GGT7: variants seen among roughly 807,000 people sequenced by gnomAD.
GGT7 encodes the protein glutathione hydrolase 7.
In GGT7, 30 loss-of-function variants were observed where a neutral mutation model predicts 69.2. The observed-to-expected ratio is 0.43, with a 90% CI of 0.32 to 0.59. The LOEUF (loss-of-function observed/expected upper bound fraction) is 0.59, where lower values mean the gene tolerates loss of function less well. Ranked by LOEUF, GGT7 falls within the 20% of genes least tolerant of loss-of-function variation. GGT7 has a pLI of 0.05. For missense variants in GGT7, 733 were observed against 901.1 expected, an observed-to-expected ratio of 0.81 and a Z score of 2.39; for synonymous variants, 388 against 391.8, an observed-to-expected ratio of 0.99 and a Z score of 0.12.
At chr20:34,868,506 G>A (rs1292748938) in intron 1 of GGT7, among the ~76,000 whole-genome samples, 1 of 152,226 alleles carries the variant, frequency 6.6e-6, no homozygotes, top group East Asian at 1.9e-4. Flanking sequence ...TCTGGAGGCA[G>A]TTGGCCTAGT....
At chr20:34,867,871 C>G (rs185865846) in intron 1 of GGT7, among the ~76,000 whole-genome samples, 72 of 152,284 alleles carry the variant, frequency 4.7e-4, no homozygotes, top group African/African-American at 1.7e-3. Context: ...TTTCTTGGTA[C>G]TTATTGCTTT....
At chr20:34,855,412 G>A (rs145888950) in intron 8 of GGT7, among the ~76,000 whole-genome samples, 1 of 152,330 alleles carries the variant, frequency 6.6e-6, no homozygotes, top group African/African-American at 2.4e-5. Context: ...AATAGCTGAT[G>A]CATAACACTA....
Position 34,863,679 on chromosome 20 carries a change from C to A in GGT7, c.170-131G>T, listed in dbSNP as rs556253761. On this transcript the variant is annotated intron_variant, in intron 1 of 14. Coordinates refer to ENST00000336431, the MANE Select transcript of GGT7 (RefSeq NM_178026.3). This position sits in a 1 kb window ranked among gnomAD's most constrained non-coding sequence, Gnocchi z 4.4. ...TCCCCGCACTGGCTAGCACTACTCACCTTTCCTCATTTTCGCGTGCACCCC... is the reference window on the plus strand; with the variant it reads ...TCCCCGCACTGGCTAGCACTACTCAACTTTCCTCATTTTCGCGTGCACCCC... 1.3e-6 allele frequency: 1 copy of A among 748,438 alleles called. No individual in the cohort carries two copies. The highest frequency in any genetic ancestry group is 1.5e-5 in the South Asian group (1 of 67,384). The allele number at this position is 748,438 out of a possible 1,614,324, so 46.4% of individuals were successfully genotyped here.
intron 7 of GGT7, 99 bp downstream of exon 7, chr20:34,859,344 A>G (rs117175802): frequency 8.8e-4 from 736 of 832,944 alleles, no homozygotes; most frequent in Non-Finnish European, 1.2e-3. Flanking sequence ...TATAGAAAGA[A>G]AGGGAGGGAG....
At chr20:34,865,949 C>T (rs1601245192) in intron 1 of GGT7, among the ~76,000 whole-genome samples, 1 of 152,134 alleles carries the variant, frequency 6.6e-6, no homozygotes, top group Admixed American at 6.5e-5. Context: ...TTTTTAGTAC[C>T]TGCTACTATG....
chr20:34,850,838 C>A (rs772141331), intron 13 of GGT7: 2 of 543,754 alleles, frequency 3.7e-6, no homozygotes, highest in South Asian at 2.8e-5. Context: ...ATTCATGGAG[C>A]CATTCTGAGG....
chr20:34,852,411 C>T lies in GGT7; in HGVS notation c.1447G>A (p.Asp483Asn). 2 of 1,614,092 alleles carry T rather than the reference C, an allele frequency of 1.2e-6. No homozygotes were observed. Among genetic ancestry groups the T allele is most frequent in the Non-Finnish European group, 1.7e-6 (2 of 1,180,018 alleles). Reference protein sequence around the residue: ...AAQVLIMGPDDFIVAMVSSLN... With the variant: ...AAQVLIMGPDNFIVAMVSSLN... ...TACCTAACCATGGCCACAATGAAGT[C>T]ATCAGGTCCCATGATCAGCACCTGG... Residue 483 changes from aspartate (D) to asparagine (N), a missense_variant, in exon 11 of 15, where the codon GAC becomes AAC. By Grantham distance (23) the Asp-to-Asn change is conservative. Coordinates refer to ENST00000336431, the MANE Select transcript of GGT7 (RefSeq NM_178026.3).
intron 14 of GGT7, among the ~76,000 whole-genome samples, chr20:34,846,366 C>T (rs1356245316): frequency 2.1e-5 from 3 of 144,948 alleles, no homozygotes; most frequent in East Asian, 2.1e-4. Flanking sequence ...TGCAATGGCA[C>T]GATTTTGGCT....
Position 34,854,780 on chromosome 20 carries a change from G to C in GGT7, c.1230+16C>G, listed in dbSNP as rs571395829. ...ATATCCTTAAATCCAGGGAAAGGCA[G>C]ACGGGTCAGCCTTACCTCTGCCACC... On this transcript the variant is annotated intron_variant, in intron 9 of 14. Transcript: ENST00000336431. 2 of 1,614,006 alleles carry C rather than the reference G, an allele frequency of 1.2e-6. No homozygotes were observed. Among genetic ancestry groups the C allele is most frequent in the Non-Finnish European group, 1.7e-6 (2 of 1,179,972 alleles).
Position 34,863,008 on chromosome 20 carries a change from C to G in GGT7, c.406-43G>C. 1 of 1,579,542 alleles carries G rather than the reference C, an allele frequency of 6.3e-7. No homozygotes were observed. Among genetic ancestry groups the G allele is most frequent in the South Asian group, 1.1e-5 (1 of 87,038 alleles). On this transcript the variant is annotated intron_variant, in intron 2 of 14. Transcript: ENST00000336431. This position sits in a 1 kb window ranked among gnomAD's most constrained non-coding sequence, Gnocchi z 4.4. ...ACTTGGTGGGGGCAGGAGGAGCTGT[C>G]CACCTCCCTAGGGCACCTCCACTAG...
rs146610020 is a variant in GGT7, at chr20:34,848,466, T to C, written c.1825+1495A>G. Among the ~76,000 whole-genome samples the C allele has an allele frequency of 2.0e-5, 3 of 152,366 alleles. No individual in the cohort carries two copies. The East Asian group carries it at 5.8e-4, about 29-fold the overall frequency. On this transcript the variant is annotated intron_variant, in intron 14 of 14. Coordinates refer to ENST00000336431, the MANE Select transcript of GGT7 (RefSeq NM_178026.3). The stretch of plus-strand genomic sequence containing the variant: ...TACACTAAGGCCCTGAAGGCAGGAC[T>C]GGGCTGAGCCCAAATAACTTAGCAC...
rs1040132412 is a variant in GGT7, at chr20:34,845,142, C to A, written c.*186G>T. ...ACCACCACCACCACCACCACCACCA[C>A]CACCACCACCACAGGCCTCCTGATG... On this transcript the variant is annotated 3_prime_UTR_variant, in exon 15 of 15. Coordinates refer to ENST00000336431, the MANE Select transcript of GGT7 (RefSeq NM_178026.3). The A allele has an allele frequency of 9.8e-6, 5 of 510,224 alleles. No individual in the cohort carries two copies. The highest frequency in any genetic ancestry group is 3.4e-5 in the Admixed American group (1 of 29,764). The allele number at this position is 510,224 out of a possible 1,614,324, so 31.6% of individuals were successfully genotyped here. A position where few individuals can be genotyped will look rare whatever the true frequency, so the allele number is the denominator to read the frequency against.
Position 34,851,253 on chromosome 20 carries a change from C to G in GGT7, c.1703G>C (p.Arg568Pro), listed in dbSNP as rs34687214. Residue 568 changes from arginine (R) to proline (P), a missense_variant, in exon 13 of 15, where the codon CGG becomes CCG. Transcript: ENST00000336431. Reference sequence around the variant, plus strand: ...CACCTGTGTCAGGCCGCTGAGGCCCCGCGCAGCTCCATTGGCCCCCAGAGC... The same window carrying G: ...CACCTGTGTCAGGCCGCTGAGGCCCGGCGCAGCTCCATTGGCCCCCAGAGC... Reference protein sequence around the residue: ...YLALGANGAARGLSGLTQVLL... With the variant: ...YLALGANGAAPGLSGLTQVLL... 6.2e-7 allele frequency: 1 copy of G among 1,613,732 alleles called. No individual in the cohort carries two copies. The highest frequency in any genetic ancestry group is 8.5e-7 in the Non-Finnish European group (1 of 1,180,008).
intron 1 of GGT7, among the ~76,000 whole-genome samples, chr20:34,866,104 ACAGT>A (rs1290026633): frequency 6.6e-6 from 1 of 152,226 alleles, no homozygotes; most frequent in Non-Finnish European, 1.5e-5. Context: ...TTCATGATCC[ACAGT>A]CCCATCTTTT....
intron 1 of GGT7, among the ~76,000 whole-genome samples, chr20:34,864,588 ATG>A (rs1479616073): frequency 6.6e-6 from 1 of 151,752 alleles, no homozygotes; most frequent in African/African-American, 2.4e-5. Flanking sequence ...GGGCATGGTG[ATG>A]TGTGCCTCTA....
chr20:34,863,845 C>A lies in GGT7; in HGVS notation c.170-297G>T. 1 of 594,090 alleles carries A rather than the reference C, an allele frequency of 1.7e-6. No individual in the cohort carries two copies. Among genetic ancestry groups the A allele is most frequent in the East Asian group, 3.3e-5 (1 of 29,914 alleles). The allele number at this position is 594,090 out of a possible 1,614,324, so 36.8% of individuals were successfully genotyped here. ...CAGGGCCCAGGGCTGAGAACACTTC[C>A]TGGGGGGTGGGGTGGGGGTTCCAGC... On this transcript the variant is annotated intron_variant, in intron 1 of 14. Transcript: ENST00000336431. The surrounding 1 kb of genome is among the most constrained non-coding windows in gnomAD (Gnocchi z 4.4).
chr20:34,868,803 G>C (rs1286643988), intron 1 of GGT7, among the ~76,000 whole-genome samples: 2 of 152,192 alleles, frequency 1.3e-5, no homozygotes, highest in African/African-American at 4.8e-5. Flanking sequence ...TAAGTTGGTA[G>C]GATGTAAGCC....
At chr20:34,855,540 G>C (rs1443117291) in intron 8 of GGT7, among the ~76,000 whole-genome samples, 1 of 152,190 alleles carries the variant, frequency 6.6e-6, no homozygotes, top group Non-Finnish European at 1.5e-5. Context: ...TAGCATTGTT[G>C]AGACAACCCA....
At chr20:34,853,971 C>G (rs1418853423) in intron 10 of GGT7, among the ~76,000 whole-genome samples, 1 of 152,214 alleles carries the variant, frequency 6.6e-6, no homozygotes, top group Admixed American at 6.5e-5. Flanking sequence ...AAGTCTCACT[C>G]TGTCACCCAG....
Sources: allele counts gnomAD v4.1 joint callset (sites outside exome capture counted in the v4.1 genomes callset), GRCh38; gene constraint gnomAD v4.1.1; non-coding constraint Gnocchi (gnomAD v3.1); transcripts MANE v1.5; gene names NCBI Gene and HGNC (gene_info 2026-07-23, HGNC 2026-07-21).